The following CRK variants were observed in gnomAD, a reference collection of about 807,000 sequenced individuals.
CRK encodes adapter molecule crk.
In CRK, 4 loss-of-function variants were observed where a neutral mutation model predicts 29.8. That is an observed-to-expected ratio of 0.13 (90% CI 0.07 to 0.31). The LOEUF (loss-of-function observed/expected upper bound fraction) is 0.31, where lower values mean the gene tolerates loss of function less well. Ranked by LOEUF, CRK falls within the 10% of genes least tolerant of loss-of-function variation. The pLI, the probability that CRK is intolerant of heterozygous loss-of-function variation, is 1.00. For synonymous variants in CRK, 153 were observed against 164.9 expected, an observed-to-expected ratio of 0.93 and a Z score of 0.55; for missense variants, 274 against 396.5, an observed-to-expected ratio of 0.69 and a Z score of 2.62.
At position 1,455,982 on chromosome 17, in the gene CRK, C is replaced by T; in HGVS notation, c.136G>A (p.Asp46Asn). The change falls in exon 1 of 3, where the codon GAC becomes AAC. Residue 46 changes from aspartate to asparagine, a missense_variant. Asp to Asn is a conservative substitution (Grantham distance 23). Transcript: ENST00000300574. ...TTCTCTGAGACGCTGAGCACATAGT[C>T]CCCGGGGCTGGTGCTCGAGTCCCGC... Reference protein sequence around the residue: ...LVRDSSTSPGDYVLSVSENSR... With the variant: ...LVRDSSTSPGNYVLSVSENSR... 6.2e-7 allele frequency: 1 copy of T among 1,601,642 alleles called. No homozygotes were observed. The highest frequency in any genetic ancestry group is 1.1e-5 in the South Asian group (1 of 89,576).
At chr17:1,455,793 T>C in intron 1 of CRK, 84 bp downstream of exon 1, 1 of 1,388,468 alleles carries the variant, frequency 7.2e-7, no homozygotes, top group South Asian at 1.6e-5. Flanking sequence ...CCCCCGAGGG[T>C]CCGCTCTCGA....
In CRK at chr17:1,422,280, C is replaced by CA. The variant is rs2073734415; in HGVS notation, c.*1232dup. 6.6e-6 allele frequency: 1 copy of CA among 151,542 alleles called. No individual in the cohort carries two copies. The highest frequency in any genetic ancestry group is 2.4e-5 in the African/African-American group (1 of 41,216). 9.4% of individuals were successfully genotyped at this position (151,542 alleles called of 1,614,324 possible). ...CCAGGTTGAAGCAATTCTCCTGCCT[C>CA]AGCCTCCCGAGTAGCTGGGATTACA... is the stretch of plus-strand genomic sequence containing the variant. On this transcript the variant is annotated 3_prime_UTR_variant, in exon 3 of 3. Coordinates refer to ENST00000300574, the MANE Select transcript of CRK (RefSeq NM_016823.4).
intron 1 of CRK, 33 bp downstream of exon 1, chr17:1,455,844 C>A: frequency 2.0e-6 from 3 of 1,496,440 alleles, no homozygotes; most frequent in East Asian, 2.6e-5. Context: ...GCCCTCACCC[C>A]GCCCAGGGCC....
In CRK at chr17:1,423,369, G is replaced by A. The variant is rs980213749; in HGVS notation, c.*144C>T. On this transcript the variant is annotated 3_prime_UTR_variant, in exon 3 of 3. Transcript: ENST00000300574. ...GGTAATTAAGACTAGGAATGGAGCA[G>A]TTCAGTCTAAAAAATATCACAGGTA... The A allele has an allele frequency of 9.9e-7, 1 of 1,006,522 alleles. No individual in the cohort carries two copies. The highest frequency in any genetic ancestry group is 2.8e-5 in the Admixed American group (1 of 35,758). The allele number at this position is 1,006,522 out of a possible 1,614,324, so 62.3% of individuals were successfully genotyped here.
At chr17:1,431,238 C>G (rs2073842395) in intron 2 of CRK, among the ~76,000 whole-genome samples, 1 of 152,040 alleles carries the variant, frequency 6.6e-6, no homozygotes, top group South Asian at 2.1e-4. Flanking sequence ...CTTTAACAGT[C>G]TGGAGGAAGG....
At chr17:1,431,586 T>G (rs1344687178) in intron 2 of CRK, among the ~76,000 whole-genome samples, 2 of 151,714 alleles carry the variant, frequency 1.3e-5, no homozygotes, top group Non-Finnish European at 2.9e-5. Flanking sequence ...AAAAAGAAAC[T>G]TGGTGTACTA....
chr17:1,450,351 C>T (rs982103904), intron 1 of CRK, among the ~76,000 whole-genome samples: 1 of 151,730 alleles, frequency 6.6e-6, no homozygotes, highest in Non-Finnish European at 1.5e-5. Context: ...ACTAAAAATA[C>T]AAAAAATTAG....
rs369385360 is a variant in CRK at position 1,428,473 on chromosome 17, T to C, written c.778-4823A>G. 5.2e-3 allele frequency among the ~76,000 whole-genome samples: 785 copies of C among 151,186 alleles called. 8 individuals carry two copies. The highest frequency in any genetic ancestry group is 0.018 in the African/African-American group (752 of 41,112). On this transcript the variant is annotated intron_variant, in intron 2 of 2. Coordinates refer to ENST00000300574, the MANE Select transcript of CRK (RefSeq NM_016823.4). Reference sequence around the variant, plus strand: ...GGGATTTCTATGAGGCAAGATGTTATTGGGGAAAGGAACTATGTGTAAATT... The same window carrying C: ...GGGATTTCTATGAGGCAAGATGTTACTGGGGAAAGGAACTATGTGTAAATT...
At chr17:1,431,317 C>G (rs1018115150) in intron 2 of CRK, among the ~76,000 whole-genome samples, 8 of 152,138 alleles carry the variant, frequency 5.3e-5, no homozygotes, top group Non-Finnish European at 1.0e-4. Flanking sequence ...ATTCTAAGAA[C>G]ATTTTGCTCC....
chr17:1,429,479 G>A (rs1294280806), intron 2 of CRK, among the ~76,000 whole-genome samples: 1 of 151,842 alleles, frequency 6.6e-6, no homozygotes, highest in African/African-American at 2.4e-5. Context: ...TCACCACATT[G>A]GACAGTCTGG....
chr17:1,435,475 A>G (rs1216631033), intron 2 of CRK, among the ~76,000 whole-genome samples: 1 of 152,150 alleles, frequency 6.6e-6, no homozygotes, highest in Non-Finnish European at 1.5e-5. Flanking sequence ...AGGAAAAAAA[A>G]AAAAGAAAAT....
At chr17:1,429,934 AAAG>A (rs1403735802) in intron 2 of CRK, among the ~76,000 whole-genome samples, 1 of 152,070 alleles carries the variant, frequency 6.6e-6, no homozygotes, top group Non-Finnish European at 1.5e-5. Context: ...CAAAAAAAAA[AAAG>A]AGAAAAACAA....
At chr17:1,430,568 T>G (rs1464909756) in intron 2 of CRK, among the ~76,000 whole-genome samples, 2 of 147,378 alleles carry the variant, frequency 1.4e-5, no homozygotes, top group African/African-American at 5.0e-5. Context: ...GATTTCACAG[T>G]ATTAGCCAGG....
chr17:1,429,777 TACA>T (rs761839342), intron 2 of CRK, among the ~76,000 whole-genome samples: 2 of 151,890 alleles, frequency 1.3e-5, no homozygotes, highest in East Asian at 3.9e-4. Flanking sequence ...AAATTAAAAG[TACA>T]ACATTAGCCA....
chr17:1,444,438 T>C (rs2073957876), intron 1 of CRK, among the ~76,000 whole-genome samples: 1 of 151,828 alleles, frequency 6.6e-6, no homozygotes, highest in South Asian at 2.1e-4. Flanking sequence ...CTGAGGTGGA[T>C]TGCTTGAACC....
chr17:1,454,453 T>TCGC (rs2074041592), intron 1 of CRK, among the ~76,000 whole-genome samples: 1 of 152,096 alleles, frequency 6.6e-6, no homozygotes, highest in Non-Finnish European at 1.5e-5. Context: ...GACAGGAGAA[T>TCGC]CGCCGTGAGC....
chr17:1,450,711 C>T (rs188952775), intron 1 of CRK, among the ~76,000 whole-genome samples: 2 of 151,676 alleles, frequency 1.3e-5, no homozygotes, highest in African/African-American at 4.8e-5. Flanking sequence ...TGGCAAAACC[C>T]CGTCTGTACT....
Position 1,436,905 on chromosome 17 carries a change from C to T in CRK, c.492G>A (p.Lys164=). Reference sequence around the variant, plus strand: ...CCGCATTCCACCACTGCTCTTCAGGCTTGTCCCGGATTCTCAAGATGTCTC... The same window carrying T: ...CCGCATTCCACCACTGCTCTTCAGGTTTGTCCCGGATTCTCAAGATGTCTC... ...KKGDILRIRD[K]PEEQWWNAED... is the part of the protein sequence containing the mutation. The change falls in exon 2 of 3, where the codon AAG becomes AAA. Residue 164 remains lysine, a synonymous_variant. Coordinates refer to ENST00000300574, the MANE Select transcript of CRK (RefSeq NM_016823.4). The T allele has an allele frequency of 6.2e-7, 1 of 1,614,132 alleles. No homozygotes were observed. Among genetic ancestry groups the T allele is most frequent in the Non-Finnish European group, 8.5e-7 (1 of 1,179,992 alleles).
At position 1,422,897 on chromosome 17, in the gene CRK, A is replaced by G. The variant is rs61762272; in HGVS notation, c.*616T>C. 3,095 of 398,898 alleles carry G rather than the reference A, an allele frequency of 7.8e-3. 82 individuals are homozygous for G. Among genetic ancestry groups the G allele is most frequent in the African/African-American group, 0.057 (2,800 of 48,724 alleles). 24.7% of individuals were successfully genotyped at this position (398,898 alleles called of 1,614,324 possible). On this transcript the variant is annotated 3_prime_UTR_variant, in exon 3 of 3. Coordinates refer to ENST00000300574, the MANE Select transcript of CRK (RefSeq NM_016823.4). Reference sequence around the variant, plus strand: ...ATTCACCTACTTACAGGTTTGGGGGACAAGAATGTCAAGGGCTAAAAGAAT... The same window carrying G: ...ATTCACCTACTTACAGGTTTGGGGGGCAAGAATGTCAAGGGCTAAAAGAAT...
Sources: allele counts gnomAD v4.1 joint callset (sites outside exome capture counted in the v4.1 genomes callset), GRCh38; gene constraint gnomAD v4.1.1; transcripts MANE v1.5; gene names NCBI Gene and HGNC (gene_info 2026-07-23, HGNC 2026-07-21).